Variants in CAMSAP2 observed in about 807,000 individuals in gnomAD.
CAMSAP2 encodes calmodulin regulated spectrin associated protein family member 2.
Under a neutral mutation model 146.1 loss-of-function variants are expected in CAMSAP2, and 26 were observed. The observed-to-expected ratio is 0.18, with a 90% CI of 0.13 to 0.25. The LOEUF is 0.25. Among genes scored for constraint, CAMSAP2 ranks in the 10% least tolerant of loss-of-function variants. The probability of loss-of-function intolerance (pLI) is 1.00; values close to 1 mark genes in which losing one functional copy is unlikely to be tolerated. For synonymous variants in CAMSAP2, 499 were observed against 596.6 expected (o/e 0.84, Z 2.38); for missense variants, 1,381 against 1,759.3 (o/e 0.78, Z 3.85).
intron 2 of CAMSAP2, among the ~76,000 whole-genome samples, chr1:200,780,764 G>A (rs576888318): frequency 3.3e-5 from 5 of 152,302 alleles, no homozygotes; most frequent in South Asian, 4.1e-4. Flanking sequence ...ATATTTATGT[G>A]CAAATCTTGT....
Position 200,856,075 on chromosome 1 carries a change from G to T in CAMSAP2, c.3962G>T (p.Trp1321Leu). 6.2e-7 allele frequency: 1 copy of T among 1,613,958 alleles called. No homozygotes were observed. The highest frequency in any genetic ancestry group is 8.5e-7 in the Non-Finnish European group (1 of 1,179,876). ...GGCAGTCGAAATGGAGAAAAAGACT[G>T]GGAGAATGCATCAACAACTTCTTCA... Reference protein sequence around the residue: ...RCGSRNGEKDWENASTTSSVA... With the variant: ...RCGSRNGEKDLENASTTSSVA... Residue 1321 changes from tryptophan to leucine, a missense_variant, in exon 15 of 17, where the codon TGG becomes TTG. Trp to Leu is a moderately conservative substitution (Grantham distance 61, BLOSUM62 -2). Transcript: ENST00000358823.
chr1:200,822,614 T>G (rs955290095), intron 4 of CAMSAP2, among the ~76,000 whole-genome samples: 1 of 152,214 alleles, frequency 6.6e-6, no homozygotes, highest in Non-Finnish European at 1.5e-5. Context: ...TTTTGATCAG[T>G]TGGTTAAGAT....
intron 2 of CAMSAP2, among the ~76,000 whole-genome samples, chr1:200,784,921 TC>T (rs1402393576): frequency 1.4e-4 from 22 of 152,344 alleles, no homozygotes; most frequent in African/African-American, 5.3e-4. Context: ...GCCTTTCTGT[TC>T]CACGTTTGCT....
chr1:200,815,378 A>C (rs1194725259), intron 3 of CAMSAP2, among the ~76,000 whole-genome samples, 183 bp from the exon 4 acceptor site: 2 of 152,174 alleles, frequency 1.3e-5, no homozygotes, highest in Non-Finnish European at 2.9e-5. Flanking sequence ...AGAATATCAA[A>C]TAAGTACCCA....
At chr1:200,836,142 A>T (rs995721872) in intron 6 of CAMSAP2, among the ~76,000 whole-genome samples, 1 of 151,826 alleles carries the variant, frequency 6.6e-6, no homozygotes, top group African/African-American at 2.4e-5. Flanking sequence ...GTACATATGC[A>T]GGTTTGTTAC....
At chr1:200,854,739 A>G in intron 13 of CAMSAP2, 78 bp from the exon 14 acceptor site, 1 of 1,012,504 alleles carries the variant, frequency 9.9e-7, no homozygotes, top group Non-Finnish European at 1.5e-6. Context: ...TCTAATGAAC[A>G]GACTCTTTGC....
chr1:200,776,240 G>C (rs891228380), intron 2 of CAMSAP2, among the ~76,000 whole-genome samples: 1 of 152,156 alleles, frequency 6.6e-6, no homozygotes, highest in Non-Finnish European at 1.5e-5. Context: ...TTGCTTTGTG[G>C]AGAAATACTT....
At chr1:200,741,647 C>T (rs1387878685) in intron 1 of CAMSAP2, among the ~76,000 whole-genome samples, 1 of 152,170 alleles carries the variant, frequency 6.6e-6, no homozygotes, top group African/African-American at 2.4e-5. Context: ...CAAAATTTTG[C>T]CATGCATACA....
intron 6 of CAMSAP2, among the ~76,000 whole-genome samples, chr1:200,841,321 A>T (rs1224555357): frequency 6.6e-6 from 1 of 152,312 alleles, no homozygotes; most frequent in East Asian, 1.9e-4. Context: ...ATCTTGGCTC[A>T]CTGCAACCTC....
chr1:200,845,256 C>CT (rs11375893), intron 8 of CAMSAP2, among the ~76,000 whole-genome samples: 106,716 of 148,154 alleles, frequency 0.72, 38,339 homozygotes, highest in Middle Eastern at 0.79. Context: ...GTTTTTCCTG[C>CT]TTTTTTTTTT....
intron 1 of CAMSAP2, among the ~76,000 whole-genome samples, chr1:200,756,831 C>T (rs991140521): frequency 5.9e-5 from 9 of 152,104 alleles, no homozygotes; most frequent in South Asian, 2.1e-4. Context: ...TTCCTTACCA[C>T]GTACCAGGCG....
At chr1:200,785,058 C>A (rs371123726) in intron 2 of CAMSAP2, among the ~76,000 whole-genome samples, 3 of 152,200 alleles carry the variant, frequency 2.0e-5, no homozygotes, top group East Asian at 3.9e-4. Flanking sequence ...AGGTGAGTTA[C>A]GTTGATTTCA....
rs1667073994 is a variant in CAMSAP2 at position 200,832,657 on chromosome 1, A to G, written c.788-49A>G. 2.1e-6 allele frequency: 3 copies of G among 1,440,736 alleles called. No homozygotes were observed. The highest frequency in any genetic ancestry group is 1.9e-6 in the Non-Finnish European group (2 of 1,065,744). The allele number at this position is 1,440,736 out of a possible 1,614,324, so 89.2% of individuals were successfully genotyped here. ...ATTACAAGATGGATATGAAATATTT[A>G]TTATCAAATTAATCCAAAGTCACCA... On this transcript the variant is annotated intron_variant, in intron 5 of 16. Coordinates refer to ENST00000358823, the MANE Select transcript of CAMSAP2 (RefSeq NM_203459.4). The surrounding 1 kb of genome is among the most constrained non-coding windows in gnomAD (Gnocchi z 4.2).
At chr1:200,804,178 G>T (rs967355442) in intron 2 of CAMSAP2, among the ~76,000 whole-genome samples, 2 of 151,906 alleles carry the variant, frequency 1.3e-5, no homozygotes, top group Admixed American at 1.3e-4. Flanking sequence ...TGCCCACCTC[G>T]GCCTCCCAAA....
At chr1:200,814,235 G>A (rs6675265) in intron 3 of CAMSAP2, among the ~76,000 whole-genome samples, 25,728 of 151,158 alleles carry the variant, frequency 0.17, 2,940 homozygotes, top group East Asian at 0.35. Flanking sequence ...TCCCCTCCCC[G>A]AATTGGTAAA....
At chr1:200,833,104 A>G (rs1350394431) in intron 6 of CAMSAP2, among the ~76,000 whole-genome samples, 1 of 152,118 alleles carries the variant, frequency 6.6e-6, no homozygotes. Context: ...AATAAACCAT[A>G]GAACAAGATA....
intron 1 of CAMSAP2, among the ~76,000 whole-genome samples, chr1:200,745,891 T>A (rs1395612827): frequency 6.6e-6 from 1 of 152,232 alleles, no homozygotes; most frequent in African/African-American, 2.4e-5. Flanking sequence ...ATCTACCCTT[T>A]AAAAAATAGA....
chr1:200,798,962 G>T (rs1389942338), intron 2 of CAMSAP2, among the ~76,000 whole-genome samples: 2 of 151,934 alleles, frequency 1.3e-5, no homozygotes, highest in East Asian at 3.9e-4. Context: ...TTATATGCTG[G>T]ATTACATTTA....
intron 2 of CAMSAP2, among the ~76,000 whole-genome samples, chr1:200,796,673 C>CT (rs58160624): frequency 4.9e-4 from 70 of 142,510 alleles, no homozygotes; most frequent in Non-Finnish European, 7.3e-4. Context: ...TTTTTTTTGT[C>CT]TTTTTTTTTT....
Sources: gnomAD v4.1 joint callset for allele counts (sites outside exome capture counted in the v4.1 genomes callset) on GRCh38, gnomAD v4.1.1 for gene constraint, Gnocchi (gnomAD v3.1) non-coding constraint, MANE v1.5 for transcripts, NCBI Gene and HGNC (gene_info 2026-07-23, HGNC 2026-07-21) for gene names.